ANO2: variants seen among roughly 807,000 people sequenced by gnomAD.
ANO2 encodes anoctamin-2.
Under a neutral mutation model 124.2 loss-of-function variants are expected in ANO2, and 101 were observed. That is an observed-to-expected ratio of 0.81 (90% CI 0.69 to 0.96). The LOEUF (loss-of-function observed/expected upper bound fraction) is 0.96. Among genes scored for constraint, ANO2 ranks in the 40% least tolerant of loss-of-function variants. The pLI, the probability that ANO2 is intolerant of heterozygous loss-of-function variation, is 0.00. For synonymous variants in ANO2, 486 were observed against 482.5 expected (o/e 1.01, Z -0.09); for missense variants, 1,293 against 1,274.5 (o/e 1.01, Z -0.22).
At chr12:5,606,865 G>A (rs915960829) in intron 19 of ANO2, among the ~76,000 whole-genome samples, 1 of 151,956 alleles carries the variant, frequency 6.6e-6, no homozygotes, top group Non-Finnish European at 1.5e-5. Flanking sequence ...TGACTACCTG[G>A]CCTACTAATA....
At chr12:5,830,318 G>C in intron 6 of ANO2, 117 bp downstream of exon 6, 1 of 1,046,392 alleles carries the variant, frequency 9.6e-7, no homozygotes, top group Non-Finnish European at 1.4e-6. Context: ...CTGTTGCTAG[G>C]CAACTCCAAG....
At chr12:5,780,657 G>A (rs1188680223) in intron 10 of ANO2, among the ~76,000 whole-genome samples, 1 of 152,196 alleles carries the variant, frequency 6.6e-6, no homozygotes, top group Non-Finnish European at 1.5e-5. Flanking sequence ...CACAGAGAGA[G>A]AGTCACTGGC....
At chr12:5,858,853 G>A (rs987763828) in intron 3 of ANO2, among the ~76,000 whole-genome samples, 3 of 152,238 alleles carry the variant, frequency 2.0e-5, no homozygotes, top group Non-Finnish European at 2.9e-5. Context: ...GCAGGTCCTT[G>A]CTGGGGAAAA....
At chr12:5,626,278 G>A (rs1161249933) in intron 16 of ANO2, among the ~76,000 whole-genome samples, 1 of 152,096 alleles carries the variant, frequency 6.6e-6, no homozygotes, top group East Asian at 1.9e-4. Flanking sequence ...GGAGAGCAGG[G>A]GCCCTTGCTA....
At chr12:5,732,496 T>C in intron 14 of ANO2, 24 bp downstream of exon 14, 1 of 1,589,436 alleles carries the variant, frequency 6.3e-7, no homozygotes, top group South Asian at 1.1e-5. Context: ...AAGAGGACCG[T>C]GAGCAGCAAG....
intron 7 of ANO2, among the ~76,000 whole-genome samples, chr12:5,812,774 G>A (rs1160740750): frequency 1.0e-5 from 1 of 97,334 alleles, no homozygotes; most frequent in Non-Finnish European, 2.1e-5. Flanking sequence ...AGGCAGGCAA[G>A]TGAAAGAAAG....
chr12:5,593,153 C>T (rs145293697), intron 20 of ANO2, among the ~76,000 whole-genome samples: 28 of 152,250 alleles, frequency 1.8e-4, no homozygotes, highest in African/African-American at 6.7e-4. Flanking sequence ...AAGCTCATGA[C>T]CAAGAAAAAT....
intron 10 of ANO2, among the ~76,000 whole-genome samples, chr12:5,784,114 A>G (rs1355970269): frequency 1.3e-5 from 2 of 151,868 alleles, no homozygotes; most frequent in Admixed American, 1.3e-4. Context: ...CCCCTCAACA[A>G]TTGTGCTTTT....
chr12:5,919,223 A>T (rs543375897), intron 3 of ANO2, among the ~76,000 whole-genome samples: 1 of 152,346 alleles, frequency 6.6e-6, no homozygotes, highest in South Asian at 2.1e-4. Flanking sequence ...GATGTCAGGA[A>T]GGAGGTGACA....
intron 16 of ANO2, among the ~76,000 whole-genome samples, chr12:5,630,925 A>T (rs1306728105): frequency 6.6e-6 from 1 of 152,200 alleles, no homozygotes; most frequent in Non-Finnish European, 1.5e-5. Context: ...GAATGATGAC[A>T]CTTGGAGGCT....
chr12:5,625,123 G>T (rs796431818), intron 16 of ANO2, among the ~76,000 whole-genome samples: 17 of 152,316 alleles, frequency 1.1e-4, no homozygotes, highest in African/African-American at 3.6e-4. Flanking sequence ...GGAAGCTGTT[G>T]TAGATTTCTG....
intron 16 of ANO2, among the ~76,000 whole-genome samples, chr12:5,630,084 G>A (rs1945635132): frequency 6.6e-6 from 1 of 152,188 alleles, no homozygotes; most frequent in Non-Finnish European, 1.5e-5. Context: ...TCAGCCTCTT[G>A]AGGGATGCTC....
At chr12:5,894,325 T>C (rs181629238) in intron 3 of ANO2, among the ~76,000 whole-genome samples, 2 of 152,316 alleles carry the variant, frequency 1.3e-5, no homozygotes, top group East Asian at 3.9e-4. Context: ...CACCCACTTT[T>C]TGATGGGGTT....
chr12:5,758,693 T>C (rs1218625935), intron 10 of ANO2, among the ~76,000 whole-genome samples: 1 of 152,188 alleles, frequency 6.6e-6, no homozygotes, highest in Non-Finnish European at 1.5e-5. Context: ...AGGTGACTCT[T>C]GCAACAACAA....
At chr12:5,826,437 CATAT>C (rs10526567) in intron 7 of ANO2, among the ~76,000 whole-genome samples, 123 of 144,278 alleles carry the variant, frequency 8.5e-4, no homozygotes, top group African/African-American at 3.0e-3. Context: ...TTAATAAACT[CATAT>C]ATATATATAT....
intron 4 of ANO2, among the ~76,000 whole-genome samples, chr12:5,844,839 GTGTTTGTT>G (rs6144597): frequency 9.2e-4 from 139 of 150,978 alleles, no homozygotes; most frequent in African/African-American, 2.8e-3. Context: ...CAGTTTTTGT[GTGTTTGTT>G]TGTTTGTTTG....
chr12:5,849,076 T>C (rs1055814559), intron 4 of ANO2, among the ~76,000 whole-genome samples: 1 of 152,172 alleles, frequency 6.6e-6, no homozygotes, highest in African/African-American at 2.4e-5. Flanking sequence ...CAGCATCTAC[T>C]TGCGTGCAAA....
chr12:5,590,398 A>C (rs1489489726), intron 20 of ANO2, among the ~76,000 whole-genome samples: 1 of 152,230 alleles, frequency 6.6e-6, no homozygotes, highest in Non-Finnish European at 1.5e-5. Flanking sequence ...GAGAATGAGC[A>C]GTGATGTTAG....
intron 15 of ANO2, among the ~76,000 whole-genome samples, chr12:5,645,807 C>T (rs894798075): frequency 1.3e-5 from 2 of 152,156 alleles, no homozygotes; most frequent in Non-Finnish European, 2.9e-5. Flanking sequence ...TGCTTCCCTA[C>T]AGAGAGAGGT....
Sources: allele counts gnomAD v4.1 joint callset (sites outside exome capture counted in the v4.1 genomes callset), GRCh38; gene constraint gnomAD v4.1.1; transcripts MANE v1.5; gene names NCBI Gene and HGNC (gene_info 2026-07-23, HGNC 2026-07-21).